The following ITPK1 variants were observed in gnomAD, a reference collection of about 807,000 sequenced individuals.
The protein encoded by ITPK1 is inositol 1,3,4-trisphosphate 5/6-kinase.
In ITPK1, 21 loss-of-function variants were observed where a neutral mutation model predicts 45.3. That is an observed-to-expected ratio of 0.46 (90% CI 0.33 to 0.67). The LOEUF (loss-of-function observed/expected upper bound fraction) is 0.67. Ranked by LOEUF, ITPK1 falls within the 30% of genes least tolerant of loss-of-function variation. The pLI, the probability that ITPK1 is intolerant of heterozygous loss-of-function variation, is 0.02. For synonymous variants in ITPK1, 258 were observed against 253.6 expected (o/e 1.02, Z -0.16); for missense variants, 474 against 573.5 (o/e 0.83, Z 1.77).
At chr14:93,045,983 C>G (rs948228929) in intron 3 of ITPK1, among the ~76,000 whole-genome samples, 5 of 152,250 alleles carry the variant, frequency 3.3e-5, no homozygotes, top group Non-Finnish European at 5.9e-5. Context: ...GCGGTCACTG[C>G]TCTGGCGGGA....
intron 4 of ITPK1, among the ~76,000 whole-genome samples, chr14:93,004,046 G>A (rs2139829414): frequency 6.6e-6 from 1 of 152,242 alleles, no homozygotes; most frequent in East Asian, 1.9e-4. Flanking sequence ...AACGGAGCCA[G>A]ATGCCTCCCA....
intron 2 of ITPK1, among the ~76,000 whole-genome samples, chr14:93,090,839 C>T (rs1349526620): frequency 6.6e-6 from 1 of 152,180 alleles, no homozygotes; most frequent in Non-Finnish European, 1.5e-5. Context: ...GCCCTGGCTG[C>T]TTCAATGTCC....
At chr14:93,109,626 C>A (rs1322767843) in intron 2 of ITPK1, among the ~76,000 whole-genome samples, 1 of 152,170 alleles carries the variant, frequency 6.6e-6, no homozygotes, top group African/African-American at 2.4e-5. Context: ...TCTCAGCTTC[C>A]CCATCCATAA....
chr14:93,102,796 A>G (rs138229753), intron 2 of ITPK1, among the ~76,000 whole-genome samples: 1 of 152,226 alleles, frequency 6.6e-6, no homozygotes, highest in African/African-American at 2.4e-5. Context: ...TCTCTACAAC[A>G]ACGGCAAAAA....
rs141349789 is a variant in ITPK1 at position 92,937,342 on chromosome 14, T to C, written c.*4219A>G. 452 of 152,314 alleles carry C rather than the reference T, an allele frequency of 3.0e-3. 2 individuals carry two copies. Among genetic ancestry groups the C allele is most frequent in the African/African-American group, 0.01 (426 of 41,552 alleles). 9.4% of individuals were successfully genotyped at this position (152,314 alleles called of 1,614,324 possible). A position where few individuals can be genotyped will look rare whatever the true frequency, so the allele number is the denominator to read the frequency against. On this transcript the variant is annotated 3_prime_UTR_variant, in exon 11 of 11. Transcript: ENST00000267615. ...CAGCAACATCCTGGTGAAATCCCTG[T>C]GAGTGGCTTTTCAGAGTGAGCTTCT...
At chr14:92,952,837 G>A (rs1046857635) in intron 8 of ITPK1, among the ~76,000 whole-genome samples, 7 of 152,176 alleles carry the variant, frequency 4.6e-5, no homozygotes, top group African/African-American at 1.2e-4. Context: ...TCAGAAACAC[G>A]CTTGTAGGCA....
At chr14:93,052,514 G>T (rs542532243) in intron 3 of ITPK1, among the ~76,000 whole-genome samples, 155 of 152,260 alleles carry the variant, frequency 1.0e-3, no homozygotes, top group African/African-American at 3.6e-3. Flanking sequence ...GGTCTGGGTT[G>T]TTCTTACCCT....
intron 10 of ITPK1, among the ~76,000 whole-genome samples, chr14:92,946,029 G>A (rs576185662): frequency 3.3e-5 from 5 of 152,324 alleles, no homozygotes; most frequent in African/African-American, 1.2e-4. Flanking sequence ...AAATCGAGGA[G>A]GGCCTGGGGG....
Position 92,937,662 on chromosome 14 carries a change from C to A in ITPK1, c.*3899G>T, listed in dbSNP as rs567481776. The A allele has an allele frequency of 6.6e-6, 1 of 152,594 alleles. No individual in the cohort carries two copies. The highest frequency in any genetic ancestry group is 2.4e-5 in the African/African-American group (1 of 41,582). The allele number at this position is 152,594 out of a possible 1,614,324, so 9.5% of individuals were successfully genotyped here. ...GGTACACAGCACAGACCCTTTCTCA[C>A]AAGGGGAGGACCCATGGGAGAAGCC... On this transcript the variant is annotated 3_prime_UTR_variant, in exon 11 of 11. Transcript: ENST00000267615.
chr14:93,100,904 G>A (rs775502488), intron 2 of ITPK1, among the ~76,000 whole-genome samples: 1 of 152,190 alleles, frequency 6.6e-6, no homozygotes, highest in Non-Finnish European at 1.5e-5. Context: ...TGTCCAGGGG[G>A]TCCCAGCCTG....
chr14:93,029,898 C>T (rs939961678), intron 3 of ITPK1, among the ~76,000 whole-genome samples: 6 of 152,224 alleles, frequency 3.9e-5, no homozygotes, highest in Non-Finnish European at 7.3e-5. Context: ...CGGTGCACCA[C>T]ATCTGACTGT....
At chr14:92,960,083 G>A (rs1884982515) in intron 7 of ITPK1, among the ~76,000 whole-genome samples, 1 of 152,258 alleles carries the variant, frequency 6.6e-6, no homozygotes, top group African/African-American at 2.4e-5. Context: ...TCCCTGCAAT[G>A]CTAACATGCC....
At chr14:93,065,723 A>G (rs952386024) in intron 3 of ITPK1, among the ~76,000 whole-genome samples, 2 of 152,160 alleles carry the variant, frequency 1.3e-5, no homozygotes, top group Non-Finnish European at 2.9e-5. Flanking sequence ...TAGGTCCCCA[A>G]AGATTTAGGT....
intron 2 of ITPK1, among the ~76,000 whole-genome samples, chr14:93,097,337 C>T (rs1363158147): frequency 6.6e-6 from 1 of 152,200 alleles, no homozygotes; most frequent in African/African-American, 2.4e-5. Context: ...AACGGGCCTC[C>T]AGAGGCCTTG....
Position 92,952,233 on chromosome 14 carries a change from T to C in ITPK1, c.671-220A>G, listed in dbSNP as rs556662270. On this transcript the variant is annotated intron_variant, in intron 8 of 10. Transcript: ENST00000267615. ...TCTCCTCCCACATAAAAGTAACCGA[T>C]GTAATGAGCTGACCTCTGCTACCAT... Among the ~76,000 whole-genome samples the C allele has an allele frequency of 1.9e-4, 29 of 152,288 alleles. No individual in the cohort carries two copies. The South Asian group carries it at 5.2e-3, about 27-fold the overall frequency.
At chr14:93,110,710 G>T (rs1023683373) in intron 2 of ITPK1, among the ~76,000 whole-genome samples, 1 of 152,164 alleles carries the variant, frequency 6.6e-6, no homozygotes, top group East Asian at 1.9e-4. Flanking sequence ...GGGACAAAAG[G>T]GTCCCTGGTG....
In ITPK1 at chr14:93,002,765, C is replaced by T. The variant is rs1887416468; in HGVS notation, c.247-8768G>A. On this transcript the variant is annotated intron_variant, in intron 4 of 10. Transcript: ENST00000267615. Reference sequence around the variant, plus strand: ...ACCCAGATGGACCCTTCATCCAGCCCCCATCTTTTTGGAAAGGGGAAAGGC... The same window carrying T: ...ACCCAGATGGACCCTTCATCCAGCCTCCATCTTTTTGGAAAGGGGAAAGGC... 3.3e-5 allele frequency among the ~76,000 whole-genome samples: 5 copies of T among 152,138 alleles called. No individual in the cohort carries two copies. In the South Asian group the frequency reaches 1.0e-3, roughly 32 times the overall value.
intron 9 of ITPK1, 141 bp from the exon 10 acceptor site, chr14:92,946,634 AC>A: frequency 2.4e-6 from 2 of 836,678 alleles, no homozygotes; most frequent in Non-Finnish European, 3.7e-6. Context: ...TGTGGTGAGC[AC>A]GGGGCGGCCA....
At chr14:92,965,157 G>C (rs1354210878) in intron 5 of ITPK1, among the ~76,000 whole-genome samples, 1 of 152,114 alleles carries the variant, frequency 6.6e-6, no homozygotes, top group Admixed American at 6.5e-5. Flanking sequence ...CTGGCTCAGG[G>C]GGTTCCTGAC....
Sources: allele counts gnomAD v4.1 joint callset (sites outside exome capture counted in the v4.1 genomes callset), GRCh38; gene constraint gnomAD v4.1.1; transcripts MANE v1.5; gene names NCBI Gene and HGNC (gene_info 2026-07-23, HGNC 2026-07-21).